Variants in AASS observed in about 807,000 individuals in gnomAD.
AASS encodes the protein aminoadipate-semialdehyde synthase, also known as alpha-aminoadipic semialdehyde synthase, mitochondrial.
AASS carries 86 observed loss-of-function variants against 105.4 expected under a neutral mutation model. The ratio of observed to expected loss-of-function variants is 0.82; its 90% CI spans 0.69 to 0.98. The LOEUF is 0.98. AASS is among the 50% of genes least tolerant of loss of function. The pLI is 0.00. For missense variants in AASS, 1,048 were observed against 1,143.2 expected (o/e 0.92, Z 1.20); for synonymous variants, 381 against 394.8 (o/e 0.96, Z 0.41).
rs148990014 is a variant in AASS, at chr7:122,125,818, C to T, written c.472+557G>A. ...CTATTTATTCCTAATTAAATGGGGA[C>T]GAAAGTCTTTGAAGAGGAACCTCTA... On this transcript the variant is annotated intron_variant, in intron 4 of 23. Coordinates refer to ENST00000417368, the MANE Select transcript of AASS (RefSeq NM_005763.4). 4.6e-5 allele frequency among the ~76,000 whole-genome samples: 7 copies of T among 152,122 alleles called. No homozygotes were observed. In the East Asian group the frequency reaches 5.8e-4, roughly 13 times the overall value.
At chr7:122,128,138 A>G (rs1214172014) in intron 3 of AASS, among the ~76,000 whole-genome samples, 1 of 152,138 alleles carries the variant, frequency 6.6e-6, no homozygotes, top group African/African-American at 2.4e-5. Context: ...CCTCTAAAAC[A>G]TATCCAAGAT....
intron 15 of AASS, among the ~76,000 whole-genome samples, chr7:122,093,552 G>C (rs1453852007): frequency 1.3e-5 from 2 of 152,182 alleles, no homozygotes; most frequent in Non-Finnish European, 2.9e-5. Context: ...CCTCATGCCT[G>C]TAATCCCAGA....
intron 9 of AASS, 101 bp downstream of exon 9, chr7:122,114,973 G>A: frequency 6.7e-7 from 1 of 1,486,618 alleles, no homozygotes; most frequent in Non-Finnish European, 9.4e-7. Flanking sequence ...AGGCAGAGAA[G>A]TAGTCATTAG....
At position 122,100,343 on chromosome 7, in the gene AASS, A is replaced by C. The variant is rs60984817; in HGVS notation, c.1406+1028T>G. ...ACCAAAACATAGAGCTATGAAAAAC[A>C]AACAGATGTGAAGTTTTACTTGTAA... is the stretch of plus-strand genomic sequence containing the variant. On this transcript the variant is annotated intron_variant, in intron 13 of 23. Transcript: ENST00000417368. 3.9e-3 allele frequency among the ~76,000 whole-genome samples: 593 copies of C among 152,046 alleles called. 4 individuals carry two copies. Among genetic ancestry groups the C allele is most frequent in the African/African-American group, 0.014 (563 of 41,554 alleles).
intron 11 of AASS, among the ~76,000 whole-genome samples, chr7:122,102,330 C>G (rs978031938): frequency 6.6e-6 from 1 of 151,958 alleles, no homozygotes; most frequent in African/African-American, 2.4e-5. Context: ...TAGTCCTCCT[C>G]TTTTCTCCCA....
At chr7:122,127,233 AT>A (rs1795699845) in intron 3 of AASS, among the ~76,000 whole-genome samples, 1 of 152,136 alleles carries the variant, frequency 6.6e-6, no homozygotes, top group Admixed American at 6.6e-5. Context: ...CTAAAAACAT[AT>A]TCTTCCTCTT....
intron 6 of AASS, 131 bp downstream of exon 6, chr7:122,118,176 C>T: frequency 1.0e-6 from 1 of 971,380 alleles, no homozygotes; most frequent in Non-Finnish European, 1.6e-6. Flanking sequence ...GAGAAAAATA[C>T]ATTGGTAAGA....
At chr7:122,094,276 C>T (rs568304803) in intron 15 of AASS, among the ~76,000 whole-genome samples, 1 of 152,132 alleles carries the variant, frequency 6.6e-6, no homozygotes, top group East Asian at 1.9e-4. Context: ...TAAATATTCC[C>T]TTGGAAAGAC....
chr7:122,110,355 A>G (rs780472926), intron 11 of AASS, among the ~76,000 whole-genome samples: 8 of 151,926 alleles, frequency 5.3e-5, no homozygotes, highest in Non-Finnish European at 1.2e-4. Context: ...AAATGACAAT[A>G]AAGTTTACAA....
rs565936523 is a variant in AASS at position 122,130,344 on chromosome 7, A to G, written c.211-807T>C. ...GCATATATAAAAATACAAAGAGAGA[A>G]GTAAAGAGACATTTACAACATACGA... On this transcript the variant is annotated intron_variant, in intron 2 of 23. Transcript: ENST00000417368. Among the ~76,000 whole-genome samples the G allele has an allele frequency of 4.4e-4, 67 of 152,182 alleles. 2 individuals are homozygous for G. The South Asian group carries it at 0.014, about 32-fold the overall frequency.
rs190793045 is a variant in AASS at position 122,118,373 on chromosome 7, C to T, written c.621G>A (p.Leu207=). 1.9e-6 allele frequency: 3 copies of T among 1,614,134 alleles called. No homozygotes were observed. Among genetic ancestry groups the T allele is most frequent in the Admixed American group, 1.7e-5 (1 of 60,012 alleles). Residue 207 remains leucine (L), a synonymous_variant, in exon 6 of 24, where the codon TTG becomes TTA. Coordinates refer to ENST00000417368, the MANE Select transcript of AASS (RefSeq NM_005763.4). ...GTCCTATTGACTTAGGCATCAAACCCAAAGATATTTCATAGCCAGCATCAC... is the reference window on the plus strand; with the variant it reads ...GTCCTATTGACTTAGGCATCAAACCTAAAGATATTTCATAGCCAGCATCAC... ...AVRDAGYEIS[L]GLMPKSIGPL...
At chr7:122,090,047 T>C (rs1201044441) in intron 18 of AASS, among the ~76,000 whole-genome samples, 1 of 152,148 alleles carries the variant, frequency 6.6e-6, no homozygotes, top group Non-Finnish European at 1.5e-5. Context: ...GTCCAAACCT[T>C]CATGATTCAT....
rs748254768 is a variant in AASS, at chr7:122,113,560, A to G, written c.1166+38T>C. 3 of 1,609,634 alleles carry G rather than the reference A, an allele frequency of 1.9e-6. No individual in the cohort carries two copies. In the Admixed American group the frequency reaches 5.0e-5, roughly 27 times the overall value. On this transcript the variant is annotated intron_variant, in intron 10 of 23. Transcript: ENST00000417368. ...TTTAGAGTAGTATATCAATGTAACT[A>G]AGTGAGGAATATCATCTAACAACTT...
Position 122,078,122 on chromosome 7 carries a change from T to C in AASS, c.2486-108A>G, listed in dbSNP as rs1035108976. On this transcript the variant is annotated intron_variant, in intron 22 of 23. Coordinates refer to ENST00000417368, the MANE Select transcript of AASS (RefSeq NM_005763.4). ...CTTAAAAGTTTTCCCTCCTTTTATA[T>C]ATGATCACTAGACAATTATTTACAC... is the stretch of plus-strand genomic sequence containing the variant. 3.9e-6 allele frequency: 4 copies of C among 1,024,380 alleles called. No individual in the cohort carries two copies. The African/African-American group carries it at 4.7e-5, about 12-fold the overall frequency. The allele number at this position is 1,024,380 out of a possible 1,614,324, so 63.5% of individuals were successfully genotyped here.
At position 122,118,356 on chromosome 7, in the gene AASS, G is replaced by A; in HGVS notation, c.638C>T (p.Ser213Leu). Residue 213 changes from serine (S) to leucine (L), a missense_variant, in exon 6 of 24, where the codon TCA (serine) becomes TTA (leucine). Physicochemically the swap from Ser to Leu is moderately radical, Grantham distance 145. Transcript: ENST00000417368. ...YEISLGLMPK[S>L]IGPLTFVFTG... ...GAACACAAATGTTAAGGGTCCTATT[G>A]ACTTAGGCATCAAACCCAAAGATAT... 1 of 1,614,092 alleles carries A rather than the reference G, an allele frequency of 6.2e-7. No individual in the cohort carries two copies. Among genetic ancestry groups the A allele is most frequent in the Non-Finnish European group, 8.5e-7 (1 of 1,180,010 alleles).
At position 122,113,460 on chromosome 7, in the gene AASS, T is replaced by C. The variant is rs201189095; in HGVS notation, c.1166+138A>G. On this transcript the variant is annotated intron_variant, in intron 10 of 23. Coordinates refer to ENST00000417368, the MANE Select transcript of AASS (RefSeq NM_005763.4). ...GTGTGTTCAAATGTGCATGTTTTTT[T>C]CCCCAAATTTTAGTATGTTTGAGTA... The C allele has an allele frequency of 1.0e-5, 12 of 1,162,300 alleles. No homozygotes were observed. In the East Asian group the frequency reaches 2.5e-4, roughly 25 times the overall value. 72.0% of individuals were successfully genotyped at this position (1,162,300 alleles called of 1,614,324 possible). A position where few individuals can be genotyped will look rare whatever the true frequency, so the allele number is the denominator to read the frequency against.
chr7:122,130,673 G>C (rs796821298), intron 2 of AASS, among the ~76,000 whole-genome samples: 14 of 152,024 alleles, frequency 9.2e-5, no homozygotes, highest in African/African-American at 3.4e-4. Context: ...AGAATTAAAA[G>C]AGCAATTGAA....
intron 2 of AASS, among the ~76,000 whole-genome samples, chr7:122,131,403 T>C (rs1795911669): frequency 6.6e-6 from 1 of 151,570 alleles, no homozygotes; most frequent in Admixed American, 6.6e-5. Context: ...GTAATAATAG[T>C]ATTGTGATCC....
chr7:122,125,735 G>A (rs1160932722), intron 4 of AASS, among the ~76,000 whole-genome samples: 1 of 152,244 alleles, frequency 6.6e-6, no homozygotes. Context: ...GTATAAGCCT[G>A]CCGGGGCAAA....
Sources: allele counts gnomAD v4.1 joint callset (sites outside exome capture counted in the v4.1 genomes callset), GRCh38; gene constraint gnomAD v4.1.1; transcripts MANE v1.5; gene names NCBI Gene and HGNC (gene_info 2026-07-23, HGNC 2026-07-21).